Variants in EYS observed in about 807,000 individuals in gnomAD.
The protein encoded by EYS is EGF-like photoreceptor maintenance factor.
A neutral mutation model predicts 282.1 loss-of-function variants in EYS; 250 were observed. The ratio of observed to expected loss-of-function variants is 0.89; its 90% CI spans 0.80 to 0.98. EYS has a LOEUF of 0.98. Among genes scored for constraint, EYS ranks in the 50% least tolerant of loss-of-function variants. The probability of loss-of-function intolerance (pLI) is 0.00; values close to 1 mark genes in which losing one functional copy is unlikely to be tolerated. For missense variants in EYS, 4,016 were observed against 3,709.0 expected (o/e 1.08, Z -2.15); for synonymous variants, 1,355 against 1,282.9 (o/e 1.06, Z -1.20).
chr6:65,405,694 T>C (rs747429527), intron 5 of EYS, among the ~76,000 whole-genome samples: 1 of 152,068 alleles, frequency 6.6e-6, no homozygotes, highest in Non-Finnish European at 1.5e-5. Context: ...TGATGGAGTA[T>C]TTGGTCTTTT....
intron 11 of EYS, chr6:65,329,829 T>C (rs1287433272): frequency 2.0e-6 from 2 of 983,026 alleles, no homozygotes; most frequent in Non-Finnish European, 2.4e-6. Context: ...AGCTCTATTT[T>C]TACAAGCCTC....
chr6:63,809,052 G>A (rs530045904), intron 36 of EYS, among the ~76,000 whole-genome samples: 7 of 152,220 alleles, frequency 4.6e-5, no homozygotes, highest in African/African-American at 1.7e-4. Flanking sequence ...CCTCTAAACC[G>A]TTAGTTGTGA....
chr6:64,042,383 G>A (rs1018605736), intron 33 of EYS, among the ~76,000 whole-genome samples: 1 of 152,230 alleles, frequency 6.6e-6, no homozygotes, highest in African/African-American at 2.4e-5. Flanking sequence ...CTAGTGACTG[G>A]AAAATGGGGA....
intron 31 of EYS, among the ~76,000 whole-genome samples, chr6:64,145,425 G>C (rs1259876547): frequency 6.6e-6 from 1 of 152,176 alleles, no homozygotes; most frequent in East Asian, 1.9e-4. Flanking sequence ...AAATAAAAGT[G>C]TGATTACCAT....
intron 19 of EYS, among the ~76,000 whole-genome samples, chr6:64,864,413 A>ATTTTTTTTTTTTTTTT (rs1269005878): frequency 2.6e-5 from 1 of 38,908 alleles, no homozygotes; most frequent in African/African-American, 7.1e-5. Context: ...TTTTGACAGA[A>ATTTTTTTTTTTTTTTT]TCTTGCTCTG....
chr6:64,067,926 T>G (rs1771436188), intron 32 of EYS, among the ~76,000 whole-genome samples: 1 of 152,118 alleles, frequency 6.6e-6, no homozygotes, highest in African/African-American at 2.4e-5. Context: ...CCCCCTAGGC[T>G]TTCGTTACTG....
intron 36 of EYS, among the ~76,000 whole-genome samples, chr6:63,846,764 C>T (rs1772107889): frequency 6.6e-6 from 1 of 152,072 alleles, no homozygotes; most frequent in Non-Finnish European, 1.5e-5. Flanking sequence ...GGCAAAAATC[C>T]CTTACTCAGG....
chr6:64,846,802 C>G (rs1765729868), intron 19 of EYS, among the ~76,000 whole-genome samples: 1 of 151,982 alleles, frequency 6.6e-6, no homozygotes, highest in Non-Finnish European at 1.5e-5. Flanking sequence ...CTATATGCAA[C>G]TATTATGAAA....
intron 29 of EYS, among the ~76,000 whole-genome samples, chr6:64,351,073 T>G (rs1175312355): frequency 6.6e-6 from 1 of 151,466 alleles, no homozygotes; most frequent in Non-Finnish European, 1.5e-5. Context: ...CCTCTTTTTT[T>G]TTTTTTTAAT....
chr6:65,217,949 T>G (rs1230128976), intron 12 of EYS, among the ~76,000 whole-genome samples: 5 of 152,070 alleles, frequency 3.3e-5, no homozygotes, highest in Non-Finnish European at 7.4e-5. Context: ...GTAGAAGCAC[T>G]GAGACCAACT....
intron 2 of EYS, among the ~76,000 whole-genome samples, chr6:65,523,124 A>G (rs560531794): frequency 6.6e-6 from 1 of 152,304 alleles, no homozygotes; most frequent in South Asian, 2.1e-4. Context: ...CCTGTTATAT[A>G]TGATTTTTTT....
intron 26 of EYS, among the ~76,000 whole-genome samples, chr6:64,493,525 A>G (rs1208999632): frequency 1.3e-5 from 2 of 151,508 alleles, no homozygotes; most frequent in East Asian, 3.9e-4. Flanking sequence ...ATAGATGATC[A>G]ATTTTCAGAA....
At chr6:64,763,162 G>C (rs960553159) in intron 22 of EYS, among the ~76,000 whole-genome samples, 1 of 152,080 alleles carries the variant, frequency 6.6e-6, no homozygotes. Flanking sequence ...AAATGCAAAA[G>C]CAATAAAGTT....
At position 63,720,644 on chromosome 6, in the gene EYS, T is replaced by G. The variant is rs1029104528; in HGVS notation, c.9387A>C (p.Leu3129Phe). ...CTCCATCATAAACATTGTATCCTTC[T>G]AATTTAATTAGTTCAATGTTTTTTG... Reference protein sequence around the residue: ...QEPKNIELIKLEGYNVYDGDE... With the variant: ...QEPKNIELIKFEGYNVYDGDE... Residue 3129 changes from leucine (L) to phenylalanine (F), a missense_variant, in exon 43 of 43, where the codon TTA becomes TTC. Physicochemically the swap from Leu to Phe is conservative, Grantham distance 22. Transcript: ENST00000503581. 5 of 1,526,574 alleles carry G rather than the reference T, an allele frequency of 3.3e-6. No homozygotes were observed. The African/African-American group carries it at 4.2e-5, about 13-fold the overall frequency. 94.6% of individuals were successfully genotyped at this position (1,526,574 alleles called of 1,614,324 possible).
intron 22 of EYS, among the ~76,000 whole-genome samples, chr6:64,742,215 G>A (rs1207227657): frequency 2.0e-5 from 3 of 152,086 alleles, no homozygotes; most frequent in Non-Finnish European, 4.4e-5. Context: ...TTTGAGGAGA[G>A]GAGAGAGCTA....
intron 26 of EYS, among the ~76,000 whole-genome samples, chr6:64,560,491 T>A (rs904246311): frequency 2.6e-5 from 4 of 152,192 alleles, no homozygotes; most frequent in Middle Eastern, 6.8e-3. Context: ...TTCTCAAATA[T>A]ACACTTTCAA....
chr6:64,408,016 G>A (rs114734736), intron 28 of EYS, among the ~76,000 whole-genome samples: 5,095 of 152,036 alleles, frequency 0.034, 195 homozygotes, highest in African/African-American at 0.091. Flanking sequence ...CATGAGCCAC[G>A]GCGTCCAGCC....
chr6:64,225,959 T>C (rs1766241920), intron 31 of EYS, among the ~76,000 whole-genome samples: 1 of 152,158 alleles, frequency 6.6e-6, no homozygotes, highest in Non-Finnish European at 1.5e-5. Context: ...ATATGCAGCA[T>C]TGCTCTCTGA....
chr6:65,477,282 C>G (rs902660359), intron 5 of EYS, among the ~76,000 whole-genome samples: 1 of 152,050 alleles, frequency 6.6e-6, no homozygotes, highest in Non-Finnish European at 1.5e-5. Flanking sequence ...ATTTCTAAGT[C>G]CCAAGATGGA....
Sources: allele counts gnomAD v4.1 joint callset (sites outside exome capture counted in the v4.1 genomes callset), GRCh38; gene constraint gnomAD v4.1.1; transcripts MANE v1.5; gene names NCBI Gene and HGNC (gene_info 2026-07-23, HGNC 2026-07-21).